The following WDSUB1 variants were observed in gnomAD, a reference collection of about 807,000 sequenced individuals.
The protein encoded by WDSUB1 is WD repeat, SAM and U-box domain-containing protein 1.
WDSUB1 carries 49 observed loss-of-function variants against 53.9 expected under a neutral mutation model. The observed-to-expected ratio is 0.91, with a 90% CI of 0.72 to 1.15. The LOEUF is 1.15. Among genes scored for constraint, WDSUB1 ranks in the 50% most tolerant of loss-of-function variants. WDSUB1 has a pLI of 0.00. For missense variants in WDSUB1, 514 were observed against 562.0 expected (o/e 0.91, Z 0.86); for synonymous variants, 194 against 200.6 (o/e 0.97, Z 0.28).
At chr2:159,242,686 T>TTTGTTATAAGACACTATA (rs1442080658) in intron 10 of WDSUB1, among the ~76,000 whole-genome samples, 3 of 147,870 alleles carry the variant, frequency 2.0e-5, no homozygotes, top group Non-Finnish European at 2.9e-5. Flanking sequence ...TCATAACTCA[T>TTTGTTATAAGACACTATA]TTGTTATAAG....
At chr2:159,283,155 C>T in intron 1 of WDSUB1, 62 bp from the exon 2 acceptor site, 1 of 1,441,110 alleles carries the variant, frequency 6.9e-7, no homozygotes, top group Middle Eastern at 1.8e-4. Flanking sequence ...CAATTTGAGT[C>T]TATATAAAAG....
intron 5 of WDSUB1, among the ~76,000 whole-genome samples, chr2:159,265,600 C>A (rs986616022): frequency 6.6e-6 from 1 of 151,930 alleles, no homozygotes; most frequent in African/African-American, 2.4e-5. Flanking sequence ...CCCAGCTACT[C>A]AGGAGACTGA....
At chr2:159,246,975 GAA>G (rs754055543) in intron 10 of WDSUB1, among the ~76,000 whole-genome samples, 2 of 151,972 alleles carry the variant, frequency 1.3e-5, no homozygotes, top group African/African-American at 2.4e-5. Context: ...TTTTTTTGTA[GAA>G]AAAAAGCACA....
chr2:159,271,705 G>A lies in WDSUB1; in HGVS notation c.767C>T (p.Ser256Leu). 1 of 1,613,726 alleles carries A rather than the reference G, an allele frequency of 6.2e-7. No individual in the cohort carries two copies. Among genetic ancestry groups the A allele is most frequent in the Non-Finnish European group, 8.5e-7 (1 of 1,179,692 alleles). The change falls in exon 5 of 11, where the codon TCA (serine) becomes TTA (leucine). Residue 256 changes from serine to leucine, a missense_variant. Coordinates refer to ENST00000359774, the MANE Select transcript of WDSUB1 (RefSeq NM_001128212.3). ...AAAATTAAACCAACTAGCTTACCCT[G>A]AGACTAGCATCTGCCCATCATGGGA... Reference protein sequence around the residue: ...AFSHDGQMLVSGSVDKSVIVY... With the variant: ...AFSHDGQMLVLGSVDKSVIVY...
chr2:159,268,386 T>A (rs1246849881), intron 5 of WDSUB1, among the ~76,000 whole-genome samples: 2 of 152,358 alleles, frequency 1.3e-5, no homozygotes, highest in East Asian at 1.9e-4. Context: ...ATGATTTAAA[T>A]TCTAGGTCAA....
At position 159,279,827 on chromosome 2, in the gene WDSUB1, G is replaced by A. The variant is rs146542217; in HGVS notation, c.517C>T (p.Leu173=). Residue 173 remains leucine (L), a synonymous_variant, in exon 3 of 11, where the codon CTG becomes TTG. Coordinates refer to ENST00000359774, the MANE Select transcript of WDSUB1 (RefSeq NM_001128212.3). ...LTVWDDKMRC[L]HSEKAHDLGI... Reference sequence around the variant, plus strand: ...AGATCATGTGCTTTTTCACTATGCAGACACCTCATTTTATCATCCCACACT... The same window carrying A: ...AGATCATGTGCTTTTTCACTATGCAAACACCTCATTTTATCATCCCACACT... 1.7e-5 allele frequency: 28 copies of A among 1,612,558 alleles called. No individual in the cohort carries two copies. The highest frequency in any genetic ancestry group is 2.3e-5 in the Non-Finnish European group (27 of 1,179,050).
chr2:159,278,400 T>C (rs1254162438), intron 3 of WDSUB1, among the ~76,000 whole-genome samples: 1 of 152,160 alleles, frequency 6.6e-6, no homozygotes, highest in Admixed American at 6.5e-5. Context: ...TCAGGCACGA[T>C]GAAGAAAAAT....
At chr2:159,261,877 TA>T (rs2061213848) in intron 5 of WDSUB1, among the ~76,000 whole-genome samples, 1 of 16,418 alleles carries the variant, frequency 6.1e-5, no homozygotes, top group African/African-American at 3.0e-4. Flanking sequence ...TATATATATA[TA>T]TATATATATA....
intron 3 of WDSUB1, among the ~76,000 whole-genome samples, chr2:159,277,209 T>C (rs971864806): frequency 6.6e-6 from 1 of 152,246 alleles, no homozygotes; most frequent in African/African-American, 2.4e-5. Context: ...GACTTCCATA[T>C]TTCAATAGCA....
At chr2:159,264,089 A>G (rs1416588974) in intron 5 of WDSUB1, among the ~76,000 whole-genome samples, 2 of 152,200 alleles carry the variant, frequency 1.3e-5, no homozygotes, top group African/African-American at 4.8e-5. Context: ...CATGTTTTTT[A>G]ATATTATGCT....
chr2:159,286,095 G>C (rs1005105508), intron 1 of WDSUB1, among the ~76,000 whole-genome samples: 1 of 152,142 alleles, frequency 6.6e-6, no homozygotes, highest in Non-Finnish European at 1.5e-5. Context: ...GGGTAGGGGG[G>C]GCGGTGTGGG....
rs1300082422 is a variant in WDSUB1, at chr2:159,286,574, C to T, written c.-25+9G>A. 1.3e-5 allele frequency: 2 copies of T among 152,178 alleles called. No homozygotes were observed. Among genetic ancestry groups the T allele is most frequent in the South Asian group, 4.1e-4 (2 of 4,834 alleles). 9.4% of individuals were successfully genotyped at this position (152,178 alleles called of 1,614,324 possible). A position where few individuals can be genotyped will look rare whatever the true frequency, so the allele number is the denominator to read the frequency against. On this transcript the variant is annotated intron_variant, in intron 1 of 10. Coordinates refer to ENST00000359774, the MANE Select transcript of WDSUB1 (RefSeq NM_001128212.3). ...CGCTGAGCCGGCCCGTGGGCGCGGC[C>T]GCTCTCACCTGCAGGAGCGGGGGCG...
At chr2:159,284,238 C>G (rs758862050) in intron 1 of WDSUB1, among the ~76,000 whole-genome samples, 1 of 152,208 alleles carries the variant, frequency 6.6e-6, no homozygotes, top group Non-Finnish European at 1.5e-5. Flanking sequence ...ATTTCCACAA[C>G]TCCTCAAAAA....
At chr2:159,280,373 G>T (rs2061630279) in intron 2 of WDSUB1, among the ~76,000 whole-genome samples, 1 of 152,072 alleles carries the variant, frequency 6.6e-6, no homozygotes, top group African/African-American at 2.4e-5. Context: ...GGAGTCAAAG[G>T]TACTTACAAC....
At chr2:159,259,181 G>A (rs560109831) in intron 6 of WDSUB1, among the ~76,000 whole-genome samples, 5 of 152,122 alleles carry the variant, frequency 3.3e-5, no homozygotes, top group African/African-American at 7.2e-5. Context: ...GCGCCACCAC[G>A]GTCAGCTAAG....
intron 5 of WDSUB1, among the ~76,000 whole-genome samples, chr2:159,268,276 T>C (rs1333572472): frequency 2.0e-5 from 3 of 152,248 alleles, no homozygotes; most frequent in African/African-American, 7.2e-5. Flanking sequence ...TTCTATGCCC[T>C]ATTCCAACTG....
intron 10 of WDSUB1, among the ~76,000 whole-genome samples, chr2:159,247,140 G>A (rs748266206): frequency 6.6e-6 from 1 of 152,196 alleles, no homozygotes; most frequent in Non-Finnish European, 1.5e-5. Context: ...TGCAGCCACT[G>A]CTATACTCAT....
intron 10 of WDSUB1, among the ~76,000 whole-genome samples, chr2:159,243,420 C>T (rs2060711936): frequency 6.8e-6 from 1 of 147,398 alleles, no homozygotes; most frequent in Non-Finnish European, 1.5e-5. Flanking sequence ...GCTTCACACA[C>T]ACAGATAAGT....
At chr2:159,272,142 G>A (rs1167633451) in intron 4 of WDSUB1, among the ~76,000 whole-genome samples, 1 of 152,210 alleles carries the variant, frequency 6.6e-6, no homozygotes, top group Non-Finnish European at 1.5e-5. Context: ...CGTACATACA[G>A]GTGGTAGAGG....
Sources: gnomAD v4.1 joint callset for allele counts (sites outside exome capture counted in the v4.1 genomes callset) on GRCh38, gnomAD v4.1.1 for gene constraint, MANE v1.5 for transcripts, NCBI Gene and HGNC (gene_info 2026-07-23, HGNC 2026-07-21) for gene names.